The following PCP4 variants were observed in gnomAD, a reference collection of about 807,000 sequenced individuals.
The protein encoded by PCP4 is Purkinje cell protein 4, also known as calmodulin regulator protein PCP4.
A neutral mutation model predicts 10.0 loss-of-function variants in PCP4; 8 were observed. That is an observed-to-expected ratio of 0.80 (90% confidence interval 0.47 to 1.45). The LOEUF (loss-of-function observed/expected upper bound fraction) is 1.45. Ranked by LOEUF, PCP4 falls within the 40% of genes most tolerant of loss-of-function variation. The pLI is 0.00. For synonymous variants in PCP4, 21 were observed against 23.0 expected (o/e 0.91, Z 0.24); for missense variants, 54 against 74.4 (o/e 0.73, Z 1.01).
At position 39,925,976 on chromosome 21, in the gene PCP4, C is replaced by T. The variant is rs527617044; in HGVS notation, c.62-3008C>T. ...ATTTAGAACTGTACTTTCCTGACTT[C>T]CAGGGCCACAGACCATTTGTACTGA... On this transcript the variant is annotated intron_variant, in intron 2 of 2. Coordinates refer to ENST00000328619, the MANE Select transcript of PCP4 (RefSeq NM_006198.3). The T allele has an allele frequency of 1.1e-5, 5 of 454,738 alleles. No individual in the cohort carries two copies. In the East Asian group the frequency reaches 2.1e-4, roughly 19 times the overall value. 28.2% of individuals were successfully genotyped at this position (454,738 alleles called of 1,614,324 possible). A position where few individuals can be genotyped will look rare whatever the true frequency, so the allele number is the denominator to read the frequency against.
At chr21:39,908,149 T>C (rs1251290737) in intron 2 of PCP4, among the ~76,000 whole-genome samples, 2 of 152,010 alleles carry the variant, frequency 1.3e-5, no homozygotes, top group South Asian at 4.1e-4. Flanking sequence ...ATTGAAACCA[T>C]GCTTTCATGT....
intron 1 of PCP4, among the ~76,000 whole-genome samples, chr21:39,883,923 A>G (rs552492807): frequency 2.5e-4 from 38 of 152,158 alleles, no homozygotes; most frequent in Non-Finnish European, 4.9e-4. Flanking sequence ...GAGTGTTTTT[A>G]TCTCATTTAG....
At chr21:39,898,094 C>A (rs180884852) in intron 1 of PCP4, among the ~76,000 whole-genome samples, 1 of 147,284 alleles carries the variant, frequency 6.8e-6, no homozygotes, top group South Asian at 2.2e-4. Flanking sequence ...GTGACTGGAA[C>A]GAAAATACAG....
intron 2 of PCP4, among the ~76,000 whole-genome samples, chr21:39,927,345 C>CTA (rs1352194900): frequency 0.055 from 3,453 of 63,156 alleles, 168 homozygotes; most frequent in African/African-American, 0.17. Flanking sequence ...ATCTGTCTAT[C>CTA]TATCTATCTA....
intron 2 of PCP4, among the ~76,000 whole-genome samples, chr21:39,905,064 G>T (rs1419357074): frequency 6.6e-6 from 1 of 152,106 alleles, no homozygotes; most frequent in East Asian, 1.9e-4. Flanking sequence ...TCTGTTTCCC[G>T]CTAGGGCAAT....
At chr21:39,923,788 C>A (rs548567058) in intron 2 of PCP4, among the ~76,000 whole-genome samples, 2 of 152,198 alleles carry the variant, frequency 1.3e-5, no homozygotes, top group Admixed American at 1.3e-4. Context: ...CCATACCACT[C>A]GTTTAGACGC....
chr21:39,926,358 C>T (rs1356275364), intron 2 of PCP4, among the ~76,000 whole-genome samples: 1 of 152,148 alleles, frequency 6.6e-6, no homozygotes, highest in Admixed American at 6.5e-5. Flanking sequence ...TCTGCGTCTT[C>T]ATTTGTCATT....
intron 2 of PCP4, among the ~76,000 whole-genome samples, chr21:39,921,963 G>A (rs1403946029): frequency 6.6e-6 from 1 of 152,084 alleles, no homozygotes; most frequent in African/African-American, 2.4e-5. Flanking sequence ...AAATGCAAGT[G>A]GAATTTTAAT....
intron 2 of PCP4, among the ~76,000 whole-genome samples, chr21:39,910,232 C>A (rs1233985911): frequency 6.6e-6 from 1 of 152,182 alleles, no homozygotes; most frequent in East Asian, 1.9e-4. Flanking sequence ...AAGCAAGTCT[C>A]ACTTCAGACT....
intron 2 of PCP4, among the ~76,000 whole-genome samples, chr21:39,923,101 A>T (rs1209390868): frequency 1.3e-5 from 2 of 152,182 alleles, no homozygotes; most frequent in Non-Finnish European, 2.9e-5. Context: ...GAATTCCAGG[A>T]CCTGCGGCAA....
chr21:39,927,326 T>TATCTATCTATC (rs2087628201), intron 2 of PCP4, among the ~76,000 whole-genome samples: 1 of 83,420 alleles, frequency 1.2e-5, no homozygotes, highest in African/African-American at 4.9e-5. Flanking sequence ...ATCTATCATC[T>TATCTATCTATC]ATCTATCTAT....
chr21:39,917,639 C>G (rs1484578910), intron 2 of PCP4, among the ~76,000 whole-genome samples: 1 of 152,166 alleles, frequency 6.6e-6, no homozygotes, highest in Non-Finnish European at 1.5e-5. Flanking sequence ...CTCAGGAAGG[C>G]AAATCTGACC....
chr21:39,915,270 C>T (rs1482862406), intron 2 of PCP4, among the ~76,000 whole-genome samples: 1 of 151,854 alleles, frequency 6.6e-6, no homozygotes, highest in Non-Finnish European at 1.5e-5. Flanking sequence ...GCATTAAATA[C>T]TATGAAGAAA....
At position 39,908,024 on chromosome 21, in the gene PCP4, A is replaced by C. The variant is rs140908904; in HGVS notation, c.61+9497A>C. Among the ~76,000 whole-genome samples the C allele has an allele frequency of 4.6e-5, 7 of 152,332 alleles. No individual in the cohort carries two copies. The East Asian group carries it at 1.2e-3, about 25-fold the overall frequency. ...TCCCCTGTTTGTCCCCACTAATTAA[A>C]AAATGTAGCTTATTATACGATAAGT... On this transcript the variant is annotated intron_variant, in intron 2 of 2. Coordinates refer to ENST00000328619, the MANE Select transcript of PCP4 (RefSeq NM_006198.3).
intron 2 of PCP4, among the ~76,000 whole-genome samples, chr21:39,904,733 T>C (rs938682459): frequency 7.9e-5 from 12 of 152,184 alleles, no homozygotes; most frequent in Non-Finnish European, 1.8e-4. Flanking sequence ...CAGAGCAGCC[T>C]GCGATTCAGA....
At chr21:39,896,970 A>G (rs949321807) in intron 1 of PCP4, among the ~76,000 whole-genome samples, 4 of 152,052 alleles carry the variant, frequency 2.6e-5, no homozygotes, top group African/African-American at 4.8e-5. Flanking sequence ...CCATTCAGAT[A>G]GTGGCATCAC....
chr21:39,913,749 A>G (rs1480720803), intron 2 of PCP4, among the ~76,000 whole-genome samples: 1 of 152,162 alleles, frequency 6.6e-6, no homozygotes, highest in Admixed American at 6.5e-5. Flanking sequence ...GCTTTGCTTC[A>G]CAGACCCCCT....
At chr21:39,891,652 C>T (rs992944308) in intron 1 of PCP4, among the ~76,000 whole-genome samples, 4 of 152,172 alleles carry the variant, frequency 2.6e-5, no homozygotes, top group African/African-American at 7.2e-5. Context: ...GCTGGGCTGG[C>T]CGTTATTTAT....
At chr21:39,904,830 G>T (rs909094196) in intron 2 of PCP4, among the ~76,000 whole-genome samples, 1 of 152,170 alleles carries the variant, frequency 6.6e-6, no homozygotes, top group African/African-American at 2.4e-5. Flanking sequence ...GGTCTAATAT[G>T]CCAATTCTGC....
Sources: gnomAD v4.1 joint callset for allele counts (sites outside exome capture counted in the v4.1 genomes callset) on GRCh38, gnomAD v4.1.1 for gene constraint, MANE v1.5 for transcripts, NCBI Gene and HGNC (gene_info 2026-07-23, HGNC 2026-07-21) for gene names.